Variants in PLD5 observed in about 807,000 individuals in gnomAD.
PLD5 encodes the protein inactive phospholipase D5.
A neutral mutation model predicts 61.1 loss-of-function variants in PLD5; 36 were observed. The ratio of observed to expected loss-of-function variants is 0.59; its 90% CI spans 0.45 to 0.78. PLD5 has a LOEUF of 0.78. PLD5 is among the 30% of genes least tolerant of loss of function. The probability of loss-of-function intolerance (pLI) is 0.00; values close to 1 mark genes in which losing one functional copy is unlikely to be tolerated. For missense variants in PLD5, 515 were observed against 644.4 expected, an observed-to-expected ratio of 0.80 and a Z score of 2.17; for synonymous variants, 243 against 242.8, an observed-to-expected ratio of 1.00 and a Z score of -0.01.
At chr1:242,210,997 T>A (rs956947403) in intron 5 of PLD5, among the ~76,000 whole-genome samples, 1 of 152,196 alleles carries the variant, frequency 6.6e-6, no homozygotes, top group Non-Finnish European at 1.5e-5. Flanking sequence ...GGTTGGTTCA[T>A]GAAGTTTAAG....
intron 1 of PLD5, among the ~76,000 whole-genome samples, chr1:242,437,866 C>T (rs1666075099): frequency 6.6e-6 from 1 of 152,196 alleles, no homozygotes; most frequent in African/African-American, 2.4e-5. Context: ...AAGATCACAT[C>T]ACACAAAGTG....
Position 242,511,588 on chromosome 1 carries a change from G to GAA in PLD5, c.189+12498_189+12499dup, listed in dbSNP as rs33948487. On this transcript the variant is annotated intron_variant, in intron 1 of 9. Transcript: ENST00000536534. ...AAGCCCATAATCCCAGTCTAATGAT[G>GAA]AAAAAAAAAAATCAGACATGCACAA... Among the ~76,000 whole-genome samples, 1,218 of 149,084 alleles carry GAA rather than the reference G, an allele frequency of 8.2e-3. 17 individuals carry two copies. The highest frequency in any genetic ancestry group is 0.028 in the African/African-American group (1,126 of 40,746).
chr1:242,473,158 A>C (rs1016065631), intron 1 of PLD5, among the ~76,000 whole-genome samples: 4 of 152,236 alleles, frequency 2.6e-5, no homozygotes, highest in Non-Finnish European at 5.9e-5. Flanking sequence ...TTAGCAATAC[A>C]TCACGGTGCT....
intron 5 of PLD5, among the ~76,000 whole-genome samples, chr1:242,199,507 G>A (rs935613380): frequency 5.3e-5 from 8 of 152,002 alleles, no homozygotes; most frequent in Admixed American, 2.0e-4. Context: ...TGCCTGCCTC[G>A]GCCTCCCAAA....
chr1:242,347,073 T>C (rs1222578683), intron 2 of PLD5, among the ~76,000 whole-genome samples: 1 of 152,250 alleles, frequency 6.6e-6, no homozygotes, highest in Non-Finnish European at 1.5e-5. Flanking sequence ...TTTCTTTCTT[T>C]TATGCTTTGC....
chr1:242,235,960 A>T (rs1036831452), intron 4 of PLD5: 1 of 152,220 alleles, frequency 6.6e-6, no homozygotes, highest in Admixed American at 6.5e-5. Context: ...ATTTTCTGTA[A>T]TCATGACTTT....
At chr1:242,107,160 T>A (rs1312651214) in intron 8 of PLD5, among the ~76,000 whole-genome samples, 3 of 151,862 alleles carry the variant, frequency 2.0e-5, no homozygotes, top group Non-Finnish European at 4.4e-5. Flanking sequence ...ATAGGAGCAG[T>A]AGGTGAATGG....
At chr1:242,152,587 T>A (rs1387384366) in intron 5 of PLD5, among the ~76,000 whole-genome samples, 1 of 152,018 alleles carries the variant, frequency 6.6e-6, no homozygotes, top group Non-Finnish European at 1.5e-5. Flanking sequence ...CTCCAAGTTA[T>A]GAGTGAGAAC....
chr1:242,437,864 A>T (rs1034391657), intron 1 of PLD5, among the ~76,000 whole-genome samples: 1 of 152,220 alleles, frequency 6.6e-6, no homozygotes, highest in Non-Finnish European at 1.5e-5. Flanking sequence ...CCAAGATCAC[A>T]TCACACAAAG....
chr1:242,389,202 G>A (rs1337528485), intron 1 of PLD5, among the ~76,000 whole-genome samples: 1 of 152,064 alleles, frequency 6.6e-6, no homozygotes, highest in Non-Finnish European at 1.5e-5. Flanking sequence ...TGTAACTCAT[G>A]TCCTAACTTT....
At chr1:242,145,088 A>C (rs1574388715) in intron 5 of PLD5, among the ~76,000 whole-genome samples, 1 of 152,220 alleles carries the variant, frequency 6.6e-6, no homozygotes, top group African/African-American at 2.4e-5. Context: ...ACTGAGGCCC[A>C]GAGCAGTTAA....
chr1:242,101,209 G>C (rs1660658507), intron 8 of PLD5, among the ~76,000 whole-genome samples: 1 of 152,018 alleles, frequency 6.6e-6, no homozygotes, highest in Non-Finnish European at 1.5e-5. Context: ...GATTAAACTG[G>C]GGATTTGCCA....
intron 8 of PLD5, among the ~76,000 whole-genome samples, chr1:242,105,771 G>A (rs1339183895): frequency 1.3e-5 from 2 of 152,132 alleles, no homozygotes; most frequent in Non-Finnish European, 2.9e-5. Flanking sequence ...AATAATAGGT[G>A]TAATCTTCCC....
intron 1 of PLD5, among the ~76,000 whole-genome samples, chr1:242,427,919 T>C (rs1236606089): frequency 6.6e-6 from 1 of 152,188 alleles, no homozygotes; most frequent in African/African-American, 2.4e-5. Context: ...CTGGTCTACA[T>C]AGCAAAAATA....
intron 2 of PLD5, among the ~76,000 whole-genome samples, chr1:242,321,893 A>G (rs1450698421): frequency 6.6e-6 from 1 of 152,218 alleles, no homozygotes; most frequent in Non-Finnish European, 1.5e-5. Context: ...CTTCACCCCT[A>G]CGCAGTTGTG....
intron 1 of PLD5, among the ~76,000 whole-genome samples, chr1:242,355,228 C>G (rs1405274277): frequency 6.6e-6 from 1 of 152,184 alleles, no homozygotes; most frequent in Non-Finnish European, 1.5e-5. Context: ...TGGCAGCATT[C>G]AGCAGCGAAG....
intron 3 of PLD5, among the ~76,000 whole-genome samples, chr1:242,281,092 G>A (rs777168523): frequency 1.3e-5 from 2 of 152,168 alleles, no homozygotes; most frequent in African/African-American, 4.8e-5. Context: ...ACCAGGCTGC[G>A]GGCTTCCTTA....
intron 1 of PLD5, among the ~76,000 whole-genome samples, chr1:242,431,437 A>T (rs1041407800): frequency 4.6e-5 from 7 of 152,218 alleles, no homozygotes; most frequent in African/African-American, 1.7e-4. Context: ...AGATTTAATT[A>T]CTATCATCCA....
intron 5 of PLD5, among the ~76,000 whole-genome samples, chr1:242,162,809 G>A (rs1258559503): frequency 6.6e-6 from 1 of 152,122 alleles, no homozygotes; most frequent in Non-Finnish European, 1.5e-5. Flanking sequence ...CTCCAGCCAT[G>A]CCAGAATCAC....
Sources: allele counts gnomAD v4.1 joint callset (sites outside exome capture counted in the v4.1 genomes callset), GRCh38; gene constraint gnomAD v4.1.1; transcripts MANE v1.5; gene names NCBI Gene and HGNC (gene_info 2026-07-23, HGNC 2026-07-21).